The following SLC41A2 variants were observed in gnomAD, a reference collection of about 807,000 sequenced individuals.
The protein encoded by SLC41A2 is SLC41A1-like 1.
In SLC41A2, 32 loss-of-function variants were observed where a neutral mutation model predicts 58.3. The ratio of observed to expected loss-of-function variants is 0.55; its 90% CI spans 0.41 to 0.74. The LOEUF is 0.74. Ranked by LOEUF, SLC41A2 falls within the 30% of genes least tolerant of loss-of-function variation. SLC41A2 has a pLI of 0.00. For missense variants in SLC41A2, 514 were observed against 680.6 expected (o/e 0.76, Z 2.72); for synonymous variants, 190 against 235.0 (o/e 0.81, Z 1.75).
At chr12:104,845,773 G>C in intron 9 of SLC41A2, 70 bp downstream of exon 9, 1 of 1,449,444 alleles carries the variant, frequency 6.9e-7, no homozygotes, top group East Asian at 2.4e-5. Context: ...TTCAATAAAT[G>C]TTGCCTGCCT....
At chr12:104,899,775 T>G (rs1445867686) in intron 3 of SLC41A2, among the ~76,000 whole-genome samples, 1 of 152,180 alleles carries the variant, frequency 6.6e-6, no homozygotes. Flanking sequence ...TCTGCCACTA[T>G]AGCTATGCAT....
chr12:104,814,819 A>T (rs2041322400), intron 10 of SLC41A2, among the ~76,000 whole-genome samples: 1 of 152,108 alleles, frequency 6.6e-6, no homozygotes, highest in Non-Finnish European at 1.5e-5. Context: ...TATTTAAAAG[A>T]TTGTTGGAAT....
chr12:104,909,552 C>T (rs747224527), intron 3 of SLC41A2, 103 bp downstream of exon 3: 86 of 758,862 alleles, frequency 1.1e-4, no homozygotes, highest in Non-Finnish European at 1.8e-4. Context: ...CCCTGAAGTG[C>T]AGAAGCATAT....
intron 1 of SLC41A2, among the ~76,000 whole-genome samples, chr12:104,935,863 C>T (rs760307462): frequency 2.0e-5 from 3 of 151,930 alleles, no homozygotes; most frequent in Non-Finnish European, 4.4e-5. Flanking sequence ...GCCAACACGG[C>T]GAAACCCTGT....
rs186251025 is a variant in SLC41A2 at position 104,807,689 on chromosome 12, G to T, written c.1537-2352C>A. ...CATTTTCATGATATTGATTCTTCCT[G>T]CCCATGAGCATGGAATGTTCTTCTA... On this transcript the variant is annotated intron_variant, in intron 10 of 10. Coordinates refer to ENST00000258538, the MANE Select transcript of SLC41A2 (RefSeq NM_001352171.3). 4.6e-3 allele frequency among the ~76,000 whole-genome samples: 696 copies of T among 152,170 alleles called. 7 individuals carry two copies. Among genetic ancestry groups the T allele is most frequent in the African/African-American group, 0.016 (660 of 41,526 alleles).
chr12:104,951,146 T>A (rs2047936015), intron 1 of SLC41A2, among the ~76,000 whole-genome samples: 1 of 152,236 alleles, frequency 6.6e-6, no homozygotes, highest in African/African-American at 2.4e-5. Context: ...TAGTAAATAA[T>A]TTCCCTATAG....
chr12:104,907,331 G>A (rs1357240807), intron 3 of SLC41A2, among the ~76,000 whole-genome samples: 1 of 148,386 alleles, frequency 6.7e-6, no homozygotes, highest in Non-Finnish European at 1.5e-5. Flanking sequence ...TCCTTTTAAT[G>A]TTCAATAATT....
intron 2 of SLC41A2, among the ~76,000 whole-genome samples, chr12:104,911,820 TG>T (rs5800641): frequency 0.71 from 107,700 of 151,698 alleles, 38,819 homozygotes; most frequent in African/African-American, 0.84. Context: ...AAGCACTGGG[TG>T]GGGGGGGTTC....
At chr12:104,818,770 G>A (rs574774352) in intron 10 of SLC41A2, among the ~76,000 whole-genome samples, 1 of 152,082 alleles carries the variant, frequency 6.6e-6, no homozygotes, top group African/African-American at 2.4e-5. Context: ...CCAGCTACTC[G>A]GGAGGTTGAG....
chr12:104,857,790 G>C (rs1203982016), intron 8 of SLC41A2, among the ~76,000 whole-genome samples: 2 of 141,616 alleles, frequency 1.4e-5, no homozygotes, highest in Admixed American at 1.5e-4. Context: ...TCACTCATAG[G>C]AATTGAACAA....
chr12:104,945,494 C>T (rs566430861), intron 1 of SLC41A2, among the ~76,000 whole-genome samples: 18 of 150,042 alleles, frequency 1.2e-4, no homozygotes, highest in African/African-American at 2.0e-4. Flanking sequence ...AGCGAGACTC[C>T]GCCTCAAAAA....
intron 2 of SLC41A2, among the ~76,000 whole-genome samples, chr12:104,911,324 G>A (rs796585682): frequency 1.5e-4 from 23 of 152,234 alleles, no homozygotes; most frequent in African/African-American, 4.8e-4. Flanking sequence ...GTCATGATCC[G>A]TAACTTTGGC....
chr12:104,948,105 T>G (rs2047798893), intron 1 of SLC41A2, among the ~76,000 whole-genome samples: 1 of 152,218 alleles, frequency 6.6e-6, no homozygotes, highest in Admixed American at 6.5e-5. Context: ...GACAGGCTAA[T>G]GTAGTAGATA....
At chr12:104,950,025 T>C (rs2047893285) in intron 1 of SLC41A2, among the ~76,000 whole-genome samples, 1 of 152,166 alleles carries the variant, frequency 6.6e-6, no homozygotes, top group Admixed American at 6.5e-5. Flanking sequence ...ATGAGTAGAC[T>C]ATTCAATATG....
intron 3 of SLC41A2, among the ~76,000 whole-genome samples, chr12:104,896,772 T>A (rs2045304920): frequency 6.6e-6 from 1 of 152,228 alleles, no homozygotes; most frequent in African/African-American, 2.4e-5. Flanking sequence ...TTTGGCACTA[T>A]CACCACCAGT....
At position 104,895,300 on chromosome 12, in the gene SLC41A2, T is replaced by A. The variant is rs151080002; in HGVS notation, c.709A>T (p.Ile237Leu). 6.2e-6 allele frequency: 10 copies of A among 1,613,154 alleles called. No homozygotes were observed. The South Asian group carries it at 7.7e-5, about 12-fold the overall frequency. ...TGCTTTAAAGCCAAGTTGCCAATTA[T>A]TAGGTTCCACTTTTCAATGGGTGAA... ...MDSPIEKWNL[I>L]IGNLALKQVQ... The change falls in exon 4 of 11, where the codon ATA becomes TTA. Residue 237 changes from isoleucine (I) to leucine (L), a missense_variant. Transcript: ENST00000258538.
chr12:104,923,029 A>G (rs769949585), intron 2 of SLC41A2, among the ~76,000 whole-genome samples: 2 of 151,920 alleles, frequency 1.3e-5, no homozygotes, highest in Non-Finnish European at 2.9e-5. Flanking sequence ...ATACAGCAAT[A>G]GCAGTATTAA....
intron 8 of SLC41A2, among the ~76,000 whole-genome samples, chr12:104,854,570 C>CAAA (rs368169411): frequency 0.015 from 2,051 of 140,904 alleles, 25 homozygotes; most frequent in African/African-American, 0.017. Flanking sequence ...CTCAAAAAAA[C>CAAA]AAAAAAAAAA....
rs572463387 is a variant in SLC41A2, at chr12:104,943,764, T to TA, written c.-168+14323dup. Among the ~76,000 whole-genome samples the TA allele has an allele frequency of 3.1e-3, 467 of 152,294 alleles. 2 individuals are homozygous for TA. The highest frequency in any genetic ancestry group is 0.011 in the African/African-American group (442 of 41,576). On this transcript the variant is annotated intron_variant, in intron 1 of 10. Transcript: ENST00000258538. Reference sequence around the variant, plus strand: ...ATTTCCTAGGCCAACTAAGAATCCCTAAGCCTAGCTGGGAAGGTGACCGCA... The same window carrying TA: ...ATTTCCTAGGCCAACTAAGAATCCCTAAAGCCTAGCTGGGAAGGTGACCGCA...
Sources: gnomAD v4.1 joint callset for allele counts (sites outside exome capture counted in the v4.1 genomes callset) on GRCh38, gnomAD v4.1.1 for gene constraint, MANE v1.5 for transcripts, NCBI Gene and HGNC (gene_info 2026-07-23, HGNC 2026-07-21) for gene names.